The following MPP3 variants were observed in gnomAD, a reference collection of about 807,000 sequenced individuals.
The protein encoded by MPP3 is MAGUK p55 subfamily member 3.
A neutral mutation model predicts 80.7 loss-of-function variants in MPP3; 48 were observed. The observed-to-expected ratio is 0.59, with a 90% CI of 0.47 to 0.76. The LOEUF is 0.76. Among genes scored for constraint, MPP3 ranks in the 30% least tolerant of loss-of-function variants. The pLI, the probability that MPP3 is intolerant of heterozygous loss-of-function variation, is 0.00. For missense variants in MPP3, 620 were observed against 763.0 expected, an observed-to-expected ratio of 0.81 and a Z score of 2.21; for synonymous variants, 311 against 297.6, an observed-to-expected ratio of 1.04 and a Z score of -0.46.
intron 16 of MPP3, among the ~76,000 whole-genome samples, chr17:43,812,649 G>A (rs2044918672): frequency 6.6e-6 from 1 of 152,194 alleles, no homozygotes; most frequent in South Asian, 2.1e-4. Context: ...AGGCTTCCCT[G>A]ACTCCCCCAG....
intron 6 of MPP3, 74 bp from the exon 7 acceptor site, chr17:43,829,865 T>C (rs1239216170): frequency 6.2e-7 from 1 of 1,602,288 alleles, no homozygotes; most frequent in Admixed American, 1.7e-5. Context: ...TGGCCGGTGG[T>C]ATGGAGGGTG....
intron 11 of MPP3, among the ~76,000 whole-genome samples, chr17:43,818,456 C>T (rs2045263716): frequency 6.6e-6 from 1 of 152,158 alleles, no homozygotes; most frequent in Non-Finnish European, 1.5e-5. Flanking sequence ...CCCCAGCCTC[C>T]CCATCTCTGA....
intron 8 of MPP3, among the ~76,000 whole-genome samples, chr17:43,826,947 T>C (rs1221216765): frequency 6.6e-6 from 1 of 151,840 alleles, no homozygotes; most frequent in Non-Finnish European, 1.5e-5. Flanking sequence ...ACAATCTTCC[T>C]GCCTGGGCCT....
intron 19 of MPP3, among the ~76,000 whole-genome samples, chr17:43,805,822 C>T (rs1272602486): frequency 6.6e-6 from 1 of 152,166 alleles, no homozygotes; most frequent in Non-Finnish European, 1.5e-5. Context: ...TTCTAATGGG[C>T]TCAAGGTTTC....
At position 43,831,866 on chromosome 17, in the gene MPP3, G is replaced by T. The variant is rs373567341; in HGVS notation, c.25+16C>A. On this transcript the variant is annotated intron_variant, in intron 3 of 19. Coordinates refer to ENST00000398389, the MANE Select transcript of MPP3 (RefSeq NM_001932.6). The stretch of plus-strand genomic sequence containing the variant: ...CTTCAGGACTGTGGCAGGTCCAGCC[G>T]GGGGGAGGTACTTACCAGAGTCCTC... The T allele has an allele frequency of 9.4e-6, 15 of 1,595,506 alleles. No individual in the cohort carries two copies. Among genetic ancestry groups the T allele is most frequent in the Non-Finnish European group, 1.2e-5 (14 of 1,171,758 alleles).
At chr17:43,821,257 GTC>G (rs1438991916) in intron 10 of MPP3, among the ~76,000 whole-genome samples, 199 bp from the exon 11 acceptor site, 1 of 152,200 alleles carries the variant, frequency 6.6e-6, no homozygotes, top group Non-Finnish European at 1.5e-5. Flanking sequence ...TAGTCAGGAA[GTC>G]CATCAAGAAT....
intron 7 of MPP3, 31 bp from the exon 8 acceptor site, chr17:43,827,863 A>G: frequency 6.2e-7 from 1 of 1,607,532 alleles, no homozygotes; most frequent in Non-Finnish European, 8.5e-7. Flanking sequence ...ACAGGTTCTT[A>G]AGCAGCAGCT....
intron 11 of MPP3, 27 bp from the exon 12 acceptor site, chr17:43,818,137 GCC>G: frequency 1.4e-6 from 2 of 1,477,882 alleles, no homozygotes; most frequent in Non-Finnish European, 1.8e-6. Flanking sequence ...GGATGGGCGG[GCC>G]CGTGAGCTGG....
chr17:43,813,595 G>A (rs1244722869), intron 16 of MPP3, among the ~76,000 whole-genome samples: 1 of 152,134 alleles, frequency 6.6e-6, no homozygotes, highest in African/African-American at 2.4e-5. Context: ...GGAGTGCCGA[G>A]AAATACCACT....
chr17:43,815,698 G>A (rs961450005), intron 14 of MPP3: 1 of 485,760 alleles, frequency 2.1e-6, no homozygotes, highest in South Asian at 1.9e-5. Context: ...GCTCTGGAGA[G>A]CCGCAAACAC....
At position 43,821,048 on chromosome 17, in the gene MPP3, C is replaced by T. The variant is rs1171708959; in HGVS notation, c.695G>A (p.Arg232His). ...DRLKESKVFM[R>H]ALFHYNPRED... Reference sequence around the variant, plus strand: ...CCGAGGGTTGTAGTGGAAGAGGGCGCGCATGAACACCTGCACAAGGAGGGC... The same window carrying T: ...CCGAGGGTTGTAGTGGAAGAGGGCGTGCATGAACACCTGCACAAGGAGGGC... The change falls in exon 11 of 20, where the codon CGC becomes CAC. Residue 232 changes from arginine (R) to histidine (H), a missense_variant. Coordinates refer to ENST00000398389, the MANE Select transcript of MPP3 (RefSeq NM_001932.6). 6.2e-6 allele frequency: 10 copies of T among 1,613,788 alleles called. No homozygotes were observed. Among genetic ancestry groups the T allele is most frequent in the East Asian group, 2.2e-5 (1 of 44,874 alleles).
chr17:43,824,054 C>CA (rs757067767), intron 9 of MPP3, 49 bp from the exon 10 acceptor site: 1 of 1,371,732 alleles, frequency 7.3e-7, no homozygotes, highest in South Asian at 1.2e-5. Context: ...TCTAACCCTC[C>CA]AAGAGTTCAA....
intron 9 of MPP3, 91 bp downstream of exon 9, chr17:43,825,665 G>T: frequency 1.1e-6 from 1 of 901,782 alleles, no homozygotes; most frequent in Non-Finnish European, 1.8e-6. Context: ...ACAACAGCAA[G>T]GCTAAGCCAG....
rs755507941 is a variant in MPP3, at chr17:43,808,950, A to T, written c.1581+6T>A. The T allele has an allele frequency of 6.3e-7, 1 of 1,589,726 alleles. No individual in the cohort carries two copies. The highest frequency in any genetic ancestry group is 8.5e-7 in the Non-Finnish European group (1 of 1,174,080). On this transcript the variant is annotated splice_donor_region_variant and intron_variant, in intron 19 of 19. Coordinates refer to ENST00000398389, the MANE Select transcript of MPP3 (RefSeq NM_001932.6). ...TCAGAAAAGAAACAATCAACTTTAA[A>T]CTTACAAATGGGGCTGCTGTGTCCT...
chr17:43,816,590 T>G, intron 13 of MPP3, 87 bp downstream of exon 13: 1 of 1,245,194 alleles, frequency 8.0e-7, no homozygotes, highest in Non-Finnish European at 1.2e-6. Flanking sequence ...GCTGCCCAGA[T>G]AGGGAAAGAA....
At chr17:43,829,998 A>G (rs2045889754) in intron 6 of MPP3, 29 bp downstream of exon 6, 1 of 1,604,060 alleles carries the variant, frequency 6.2e-7, no homozygotes, top group African/African-American at 1.3e-5. Context: ...ACCCAGAGGC[A>G]TGGCTGGGCA....
At position 43,814,241 on chromosome 17, in the gene MPP3, T is replaced by C. The variant is rs770469551; in HGVS notation, c.1130A>G (p.Tyr377Cys). 75 of 1,613,554 alleles carry C rather than the reference T, an allele frequency of 4.6e-5. No individual in the cohort carries two copies. The highest frequency in any genetic ancestry group is 5.6e-5 in the Non-Finnish European group (66 of 1,179,994). The change falls in exon 15 of 20, where the codon TAC (tyrosine) becomes TGC (cysteine). Residue 377 changes from tyrosine to cysteine, a missense_variant. Physicochemically the swap from Tyr to Cys is radical, Grantham distance 194 (BLOSUM62 -2). Coordinates refer to ENST00000398389, the MANE Select transcript of MPP3 (RefSeq NM_001932.6). ...GGGCCGCTCTCCGGGCTGGTGTTGG[T>C]ACCTGGCCACCTCTTCGTAAGTCAG... is the stretch of plus-strand genomic sequence containing the variant. ...ELLTYEEVARYQHQPGERPRL... is the reference protein window; with the variant it reads ...ELLTYEEVARCQHQPGERPRL...
chr17:43,817,849 A>C, intron 12 of MPP3, 197 bp downstream of exon 12: 2 of 424,306 alleles, frequency 4.7e-6, no homozygotes. Context: ...TATGGACTCC[A>C]AATATACAAG....
At chr17:43,819,517 C>T (rs2045316789) in intron 11 of MPP3, among the ~76,000 whole-genome samples, 1 of 152,234 alleles carries the variant, frequency 6.6e-6, no homozygotes, top group Non-Finnish European at 1.5e-5. Flanking sequence ...TATGAACTCA[C>T]ACAGCACCAT....
Sources: allele counts gnomAD v4.1 joint callset (sites outside exome capture counted in the v4.1 genomes callset), GRCh38; gene constraint gnomAD v4.1.1; transcripts MANE v1.5; gene names NCBI Gene and HGNC (gene_info 2026-07-23, HGNC 2026-07-21).